The following PDLIM5 variants were observed in gnomAD, a reference collection of about 807,000 sequenced individuals.
The protein encoded by PDLIM5 is PDZ and LIM domain protein 5.
In PDLIM5, 34 loss-of-function variants were observed where a neutral mutation model predicts 64.2. The observed-to-expected ratio is 0.53, with a 90% CI of 0.40 to 0.71. The LOEUF (loss-of-function observed/expected upper bound fraction) is 0.71. PDLIM5 is among the 30% of genes least tolerant of loss of function. PDLIM5 has a pLI of 0.00. For synonymous variants in PDLIM5, 253 were observed against 269.1 expected (o/e 0.94, Z 0.59); for missense variants, 683 against 733.6 (o/e 0.93, Z 0.80).
At chr4:94,648,507 A>G (rs1444146710) in intron 9 of PDLIM5, among the ~76,000 whole-genome samples, 1 of 152,086 alleles carries the variant, frequency 6.6e-6, no homozygotes, top group African/African-American at 2.4e-5. Context: ...TTTAGTAGAG[A>G]CAGTCTGGCC....
chr4:94,567,906 A>T (rs1277674187), intron 3 of PDLIM5, among the ~76,000 whole-genome samples: 1 of 152,214 alleles, frequency 6.6e-6, no homozygotes, highest in Non-Finnish European at 1.5e-5. Context: ...GGAAGTTCAG[A>T]TGGATCACCT....
At chr4:94,486,705 T>TA (rs1392268011) in intron 2 of PDLIM5, among the ~76,000 whole-genome samples, 3 of 151,980 alleles carry the variant, frequency 2.0e-5, no homozygotes, top group East Asian at 1.9e-4. Context: ...TATGTGAAAA[T>TA]AAAAAAACAG....
At chr4:94,549,155 C>G (rs764188959) in intron 3 of PDLIM5, among the ~76,000 whole-genome samples, 1 of 152,150 alleles carries the variant, frequency 6.6e-6, no homozygotes, top group Non-Finnish European at 1.5e-5. Context: ...ACACTATACG[C>G]AGAGTTAATT....
At chr4:94,509,240 G>A (rs1301263746) in intron 2 of PDLIM5, among the ~76,000 whole-genome samples, 1 of 152,012 alleles carries the variant, frequency 6.6e-6, no homozygotes, top group Admixed American at 6.6e-5. Flanking sequence ...TTTGGTCTCT[G>A]GTCTCTGTTC....
chr4:94,646,527 A>G (rs1741424862), intron 9 of PDLIM5, among the ~76,000 whole-genome samples: 1 of 152,254 alleles, frequency 6.6e-6, no homozygotes. Flanking sequence ...AATTCAGTTT[A>G]TAGTCTAATA....
intron 1 of PDLIM5, among the ~76,000 whole-genome samples, chr4:94,452,888 T>G (rs909588518): frequency 1.3e-5 from 2 of 152,248 alleles, no homozygotes; most frequent in African/African-American, 4.8e-5. Context: ...AAAACTGTCC[T>G]GTCGGCTGCT....
chr4:94,489,355 A>G (rs1726648167), intron 2 of PDLIM5, among the ~76,000 whole-genome samples: 1 of 152,144 alleles, frequency 6.6e-6, no homozygotes, highest in South Asian at 2.1e-4. Flanking sequence ...ATGCATATAC[A>G]TGTATATTAT....
intron 2 of PDLIM5, among the ~76,000 whole-genome samples, chr4:94,499,699 A>G (rs1051486158): frequency 6.6e-6 from 1 of 152,200 alleles, no homozygotes; most frequent in Non-Finnish European, 1.5e-5. Flanking sequence ...CCTGTTAGGA[A>G]CCAGGCTGCA....
At position 94,657,557 on chromosome 4, in the gene PDLIM5, G is replaced by A. The variant is rs1742304988; in HGVS notation, c.1585+10G>A. On this transcript the variant is annotated intron_variant, in intron 11 of 12. Transcript: ENST00000317968. ...CCCTACTGTGAGACTGGTAAGATCA[G>A]GGAGCCATTTGTTTCTTGAATTTTG... 6.2e-7 allele frequency: 1 copy of A among 1,600,030 alleles called. No individual in the cohort carries two copies. Among genetic ancestry groups the A allele is most frequent in the Non-Finnish European group, 8.5e-7 (1 of 1,172,148 alleles).
chr4:94,531,778 A>T (rs1022697796), intron 3 of PDLIM5, among the ~76,000 whole-genome samples: 1 of 152,174 alleles, frequency 6.6e-6, no homozygotes, highest in Admixed American at 6.6e-5. Flanking sequence ...TAGATGCATA[A>T]TAGGGGTCAC....
chr4:94,546,010 A>C (rs1054350678), intron 3 of PDLIM5, among the ~76,000 whole-genome samples: 4 of 152,142 alleles, frequency 2.6e-5, no homozygotes, highest in African/African-American at 9.7e-5. Flanking sequence ...TCTTAAGTGG[A>C]GCTATTGATT....
chr4:94,642,727 A>G (rs73834228), intron 9 of PDLIM5, among the ~76,000 whole-genome samples: 2,830 of 152,300 alleles, frequency 0.019, 101 homozygotes, highest in African/African-American at 0.065. Context: ...TCAGAGGCCT[A>G]GTCAAAGCAT....
At chr4:94,646,798 C>T (rs1379144737) in intron 9 of PDLIM5, among the ~76,000 whole-genome samples, 2 of 152,068 alleles carry the variant, frequency 1.3e-5, no homozygotes, top group African/African-American at 4.8e-5. Context: ...TCTAGTCTAC[C>T]CCGTGCTCAC....
intron 11 of PDLIM5, among the ~76,000 whole-genome samples, chr4:94,660,415 T>C (rs924487336): frequency 1.3e-5 from 2 of 152,222 alleles, no homozygotes; most frequent in Admixed American, 1.3e-4. Context: ...ATTGCAACTA[T>C]TACCTCTTCA....
chr4:94,535,651 T>C (rs548109816), intron 3 of PDLIM5, among the ~76,000 whole-genome samples: 1 of 152,210 alleles, frequency 6.6e-6, no homozygotes, highest in East Asian at 1.9e-4. Context: ...AGCATGGTGG[T>C]GGAGAGAGAC....
intron 2 of PDLIM5, among the ~76,000 whole-genome samples, chr4:94,519,805 A>T (rs916513082): frequency 2.6e-5 from 4 of 152,292 alleles, no homozygotes; most frequent in African/African-American, 9.6e-5. Flanking sequence ...GTAAAGTAAG[A>T]TGGGCAAGCT....
chr4:94,583,755 A>G (rs764374197), intron 5 of PDLIM5, among the ~76,000 whole-genome samples: 75 of 152,122 alleles, frequency 4.9e-4, no homozygotes, highest in Admixed American at 9.8e-4. Context: ...GTTATTTTGT[A>G]TATGCAGATT....
chr4:94,474,486 G>T (rs913939782), intron 2 of PDLIM5, among the ~76,000 whole-genome samples: 1 of 152,020 alleles, frequency 6.6e-6, no homozygotes, highest in African/African-American at 2.4e-5. Flanking sequence ...CCTGACCTCA[G>T]GTGATCTGCC....
At chr4:94,456,671 C>G (rs572870723) in intron 2 of PDLIM5, 326 of 1,175,108 alleles carry the variant, frequency 2.8e-4, no homozygotes, top group Non-Finnish European at 2.1e-4. Context: ...TTCCATATTA[C>G]TGTTACAGTG....
Sources: allele counts gnomAD v4.1 joint callset (sites outside exome capture counted in the v4.1 genomes callset), GRCh38; gene constraint gnomAD v4.1.1; transcripts MANE v1.5; gene names NCBI Gene and HGNC (gene_info 2026-07-23, HGNC 2026-07-21).